The following SHISA9 variants were observed in gnomAD, a reference collection of about 807,000 sequenced individuals.
SHISA9 encodes the protein protein shisa-9.
SHISA9 carries 13 observed loss-of-function variants against 38.0 expected under a neutral mutation model. That is an observed-to-expected ratio of 0.34 (90% CI 0.22 to 0.54). SHISA9 has a LOEUF of 0.54. SHISA9 is among the 20% of genes least tolerant of loss of function. The pLI, the probability that SHISA9 is intolerant of heterozygous loss-of-function variation, is 0.91. For synonymous variants in SHISA9, 275 were observed against 242.0 expected, an observed-to-expected ratio of 1.14 and a Z score of -1.27; for missense variants, 538 against 575.8, an observed-to-expected ratio of 0.93 and a Z score of 0.67.
chr16:13,033,465 G>C (rs1479071009), intron 2 of SHISA9, among the ~76,000 whole-genome samples: 1 of 152,042 alleles, frequency 6.6e-6, no homozygotes, highest in Non-Finnish European at 1.5e-5. Context: ...TTCTTTTTCT[G>C]CTTCTCTAAT....
chr16:13,539,895 G>A, the SHISA9 span, among the ~76,000 whole-genome samples: 2 of 151,382 alleles, frequency 1.3e-5, no homozygotes, highest in Admixed American at 1.3e-4. Flanking sequence ...ATGGCCACCA[G>A]CTTCATCCAT....
chr16:13,128,768 A>G (rs1457197899), intron 2 of SHISA9, among the ~76,000 whole-genome samples: 2 of 152,160 alleles, frequency 1.3e-5, no homozygotes, highest in East Asian at 3.8e-4. Context: ...CCTGTTTAGG[A>G]TATGAGCACT....
At chr16:12,923,693 T>A (rs946986583) in intron 2 of SHISA9, among the ~76,000 whole-genome samples, 1 of 151,942 alleles carries the variant, frequency 6.6e-6, no homozygotes, top group Admixed American at 6.6e-5. Flanking sequence ...AGAGGAAAAT[T>A]AGCTGGGCGT....
At chr16:13,140,499 A>G (rs1055834512) in intron 2 of SHISA9, among the ~76,000 whole-genome samples, 2 of 152,060 alleles carry the variant, frequency 1.3e-5, no homozygotes, top group African/African-American at 4.8e-5. Flanking sequence ...TTCTGGGGGT[A>G]CCTAAACATC....
the SHISA9 span, among the ~76,000 whole-genome samples, chr16:13,533,269 G>A: frequency 6.6e-6 from 1 of 152,016 alleles, no homozygotes; most frequent in Non-Finnish European, 1.5e-5. Flanking sequence ...ATCTCCTCTC[G>A]TTTTGGTTCC....
chr16:13,550,429 C>T, the SHISA9 span, among the ~76,000 whole-genome samples: 44 of 152,298 alleles, frequency 2.9e-4, no homozygotes, highest in Non-Finnish European at 5.3e-4. Flanking sequence ...CTTCCCTTTC[C>T]GGAACCAGCA....
the SHISA9 span, among the ~76,000 whole-genome samples, chr16:13,476,906 A>G: frequency 2.1e-4 from 31 of 150,378 alleles, no homozygotes; most frequent in Admixed American, 1.6e-3. Flanking sequence ...CCACCACCAC[A>G]CCCAGCTAAT....
the SHISA9 span, among the ~76,000 whole-genome samples, chr16:13,553,673 A>T: frequency 9.8e-5 from 13 of 132,142 alleles, no homozygotes; most frequent in Non-Finnish European, 2.0e-4. Flanking sequence ...GCTGCTATTT[A>T]AAAAAAAAGA....
the SHISA9 span, among the ~76,000 whole-genome samples, chr16:13,554,278 A>G: frequency 6.8e-6 from 1 of 147,226 alleles, no homozygotes; most frequent in African/African-American, 2.5e-5. Context: ...ATGAGAGAGG[A>G]GATCTAGTTG....
chr16:13,082,012 C>A (rs185920641), intron 2 of SHISA9, among the ~76,000 whole-genome samples: 53 of 152,180 alleles, frequency 3.5e-4, no homozygotes, highest in African/African-American at 1.2e-3. Flanking sequence ...ATTATCTTTT[C>A]AATATTTCAC....
At chr16:13,283,964 A>G in the SHISA9 span, among the ~76,000 whole-genome samples, 1 of 152,122 alleles carries the variant, frequency 6.6e-6, no homozygotes, top group Non-Finnish European at 1.5e-5. Context: ...GCTAGCCCTC[A>G]GCCATACACT....
intron 2 of SHISA9, among the ~76,000 whole-genome samples, chr16:13,086,193 TA>T (rs998506722): frequency 6.6e-6 from 1 of 151,544 alleles, no homozygotes; most frequent in Non-Finnish European, 1.5e-5. Context: ...CTGTCTCTAC[TA>T]AAATACAAAA....
the SHISA9 span, among the ~76,000 whole-genome samples, chr16:13,531,932 C>T: frequency 1.3e-5 from 2 of 152,308 alleles, no homozygotes; most frequent in African/African-American, 4.8e-5. Flanking sequence ...CAGCTGCCTT[C>T]TTTGTCTCAT....
At chr16:13,055,811 C>T (rs565400901) in intron 2 of SHISA9, among the ~76,000 whole-genome samples, 13 of 152,302 alleles carry the variant, frequency 8.5e-5, no homozygotes, top group East Asian at 1.9e-4. Flanking sequence ...ATTACTCAAC[C>T]GAGATGTATT....
chr16:13,005,105 G>A (rs891401768), intron 2 of SHISA9, among the ~76,000 whole-genome samples: 3 of 152,108 alleles, frequency 2.0e-5, no homozygotes, highest in Non-Finnish European at 4.4e-5. Flanking sequence ...TTGGAGAGGA[G>A]GTGCCATTCC....
intron 3 of SHISA9, among the ~76,000 whole-genome samples, chr16:13,208,048 T>C (rs539043383): frequency 6.6e-6 from 1 of 152,298 alleles, no homozygotes; most frequent in South Asian, 2.1e-4. Flanking sequence ...TCTGGGAAGA[T>C]GATCAGAGGC....
At chr16:13,421,717 A>T in the SHISA9 span, among the ~76,000 whole-genome samples, 1 of 152,236 alleles carries the variant, frequency 6.6e-6, no homozygotes, top group African/African-American at 2.4e-5. Context: ...AAAAGAACCC[A>T]ATACAATATT....
chr16:13,469,365 A>AAGAAAAGAG, the SHISA9 span, among the ~76,000 whole-genome samples: 1 of 64,456 alleles, frequency 1.6e-5, no homozygotes, highest in Non-Finnish European at 3.1e-5. Flanking sequence ...AAAGAAAAGA[A>AAGAAAAGAG]AAAGAAAGAA....
the SHISA9 span, among the ~76,000 whole-genome samples, chr16:13,525,179 G>A: frequency 6.6e-6 from 1 of 152,172 alleles, no homozygotes; most frequent in East Asian, 1.9e-4. Context: ...ATGTGGTGCT[G>A]ATGATGCTAG....
Sources: allele counts gnomAD v4.1 joint callset (sites outside exome capture counted in the v4.1 genomes callset), GRCh38; gene constraint gnomAD v4.1.1; transcripts MANE v1.5; gene names NCBI Gene and HGNC (gene_info 2026-07-23, HGNC 2026-07-21).